RAPGEF4: variants seen among roughly 807,000 people sequenced by gnomAD.
RAPGEF4 encodes Rap guanine nucleotide exchange factor 4.
A neutral mutation model predicts 147.9 loss-of-function variants in RAPGEF4; 66 were observed. The observed-to-expected ratio is 0.45, with a 90% CI of 0.37 to 0.55. The LOEUF is 0.55. Among genes scored for constraint, RAPGEF4 ranks in the 20% least tolerant of loss-of-function variants. The probability of loss-of-function intolerance (pLI) is 0.00; values close to 1 mark genes in which losing one functional copy is unlikely to be tolerated. For synonymous variants in RAPGEF4, 419 were observed against 442.7 expected, an observed-to-expected ratio of 0.95 and a Z score of 0.67; for missense variants, 1,071 against 1,257.3, an observed-to-expected ratio of 0.85 and a Z score of 2.24.
intron 6 of RAPGEF4, among the ~76,000 whole-genome samples, chr2:172,941,746 G>A (rs1687180838): frequency 6.6e-6 from 1 of 152,102 alleles, no homozygotes; most frequent in Non-Finnish European, 1.5e-5. Context: ...TGCTGGCCCT[G>A]CCACTTCTTA....
At chr2:172,945,469 A>G (rs2105353398) in intron 6 of RAPGEF4, among the ~76,000 whole-genome samples, 1 of 152,210 alleles carries the variant, frequency 6.6e-6, no homozygotes, top group East Asian at 1.9e-4. Flanking sequence ...TATTTGTACT[A>G]AAATTATGTT....
chr2:173,027,131 A>G lies in RAPGEF4; in HGVS notation c.2430A>G (p.Thr810=), dbSNP rs1304359673. The change falls in exon 25 of 31, where the codon ACA becomes ACG. Residue 810 remains threonine, a synonymous_variant. Transcript: ENST00000397081. ...GAAGGCATAATTTTAAAAAGACCAC[A>G]GCAAACTTGGATTTGTTCCTGAGGA... ...TFGRHNFKKT[T]ANLDLFLRRF... 1 of 1,613,074 alleles carries G rather than the reference A, an allele frequency of 6.2e-7. No individual in the cohort carries two copies. Among genetic ancestry groups the G allele is most frequent in the East Asian group, 2.2e-5 (1 of 44,848 alleles).
intron 26 of RAPGEF4, among the ~76,000 whole-genome samples, chr2:173,033,392 A>C (rs1697380507): frequency 6.6e-6 from 1 of 152,230 alleles, no homozygotes; most frequent in South Asian, 2.1e-4. Flanking sequence ...ATATTTAGGG[A>C]GTACTATGTA....
intron 4 of RAPGEF4, among the ~76,000 whole-genome samples, chr2:172,869,419 G>T (rs974687513): frequency 1.4e-4 from 21 of 152,184 alleles, no homozygotes; most frequent in Non-Finnish European, 2.6e-4. Flanking sequence ...TCCTTTCCCT[G>T]TGGGTAATTT....
intron 1 of RAPGEF4, among the ~76,000 whole-genome samples, chr2:172,759,224 G>A (rs1696066807): frequency 6.6e-6 from 1 of 152,152 alleles, no homozygotes; most frequent in Admixed American, 6.5e-5. Flanking sequence ...AGACTCTGTG[G>A]CAGGTCTTCA....
intron 29 of RAPGEF4, among the ~76,000 whole-genome samples, chr2:173,045,545 C>T (rs1685360618): frequency 6.6e-6 from 1 of 152,190 alleles, no homozygotes; most frequent in South Asian, 2.1e-4. Context: ...TATTTGAAGA[C>T]TTGTCCTGTT....
At chr2:172,966,250 A>T (rs1466829992) in intron 9 of RAPGEF4, among the ~76,000 whole-genome samples, 1 of 152,164 alleles carries the variant, frequency 6.6e-6, no homozygotes, top group East Asian at 1.9e-4. Context: ...CTCTGGCCAA[A>T]CTCTTATGCC....
rs544452385 is a variant in RAPGEF4, at chr2:172,947,060, G to C, written c.538-13700G>C. ...GAAAATTTCTGAGACTTGACATTCAGCTTGTACCTCCAGAAGCCTCTGGTT... is the reference window on the plus strand; with the variant it reads ...GAAAATTTCTGAGACTTGACATTCACCTTGTACCTCCAGAAGCCTCTGGTT... On this transcript the variant is annotated intron_variant, in intron 6 of 30. Coordinates refer to ENST00000397081, the MANE Select transcript of RAPGEF4 (RefSeq NM_007023.4). Among the ~76,000 whole-genome samples the C allele has an allele frequency of 6.6e-5, 10 of 152,278 alleles. No homozygotes were observed. In the East Asian group the frequency reaches 1.9e-3, roughly 29 times the overall value.
intron 23 of RAPGEF4, among the ~76,000 whole-genome samples, chr2:173,025,050 A>C (rs1696529033): frequency 6.6e-6 from 1 of 152,222 alleles, no homozygotes. Flanking sequence ...CCACACATTC[A>C]TTCCAAATAC....
At chr2:173,036,285 A>T in intron 28 of RAPGEF4, 73 bp downstream of exon 28, 1 of 1,173,594 alleles carries the variant, frequency 8.5e-7, no homozygotes, top group East Asian at 2.3e-5. Flanking sequence ...TACCTTGATA[A>T]GATTGATTAC....
intron 18 of RAPGEF4, among the ~76,000 whole-genome samples, chr2:173,014,882 C>G (rs1351212450): frequency 6.6e-6 from 1 of 152,044 alleles, no homozygotes; most frequent in Non-Finnish European, 1.5e-5. Flanking sequence ...CACGTAGCAC[C>G]CATCATTCTG....
chr2:173,045,149 T>G, intron 29 of RAPGEF4, among the ~76,000 whole-genome samples: 1 of 152,236 alleles, frequency 6.6e-6, no homozygotes, highest in Admixed American at 6.5e-5. Flanking sequence ...TGTGGAAAGA[T>G]AGACTCTAAC....
chr2:172,890,909 C>A (rs1697828547), intron 4 of RAPGEF4, among the ~76,000 whole-genome samples: 1 of 152,162 alleles, frequency 6.6e-6, no homozygotes, highest in Non-Finnish European at 1.5e-5. Context: ...GTGGGCAGAT[C>A]ACTTGAGGCC....
chr2:172,933,379 G>A (rs888078021), intron 6 of RAPGEF4, among the ~76,000 whole-genome samples: 8 of 152,148 alleles, frequency 5.3e-5, no homozygotes, highest in Non-Finnish European at 7.4e-5. Context: ...GCTTGAACAC[G>A]TGGAAGGATG....
intron 12 of RAPGEF4, among the ~76,000 whole-genome samples, chr2:172,986,838 C>A (rs568820498): frequency 2.0e-5 from 3 of 152,000 alleles, no homozygotes; most frequent in African/African-American, 4.8e-5. Context: ...GGATTACAGG[C>A]GTGTGCCACC....
Position 172,988,713 on chromosome 2 carries a change from T to A in RAPGEF4, c.1248T>A (p.His416Gln). The A allele has an allele frequency of 6.2e-7, 1 of 1,612,878 alleles. No homozygotes were observed. Among genetic ancestry groups the A allele is most frequent in the Non-Finnish European group, 8.5e-7 (1 of 1,178,818 alleles). ...TCCAGGGTGTGGTCTGCACCCTGCATGAAGGAGATGACTTCGGCAAGTTAG... is the reference window on the plus strand; with the variant it reads ...TCCAGGGTGTGGTCTGCACCCTGCAAGAAGGAGATGACTTCGGCAAGTTAG... ...IYGKGVVCTL[H>Q]EGDDFGKLAL... Residue 416 changes from histidine (H) to glutamine (Q), a missense_variant, in exon 14 of 31, where the codon CAT becomes CAA. Transcript: ENST00000397081.
At chr2:172,982,669 A>G (rs1026310402) in intron 10 of RAPGEF4, among the ~76,000 whole-genome samples, 2 of 152,302 alleles carry the variant, frequency 1.3e-5, no homozygotes, top group East Asian at 1.9e-4. Context: ...TACCCTACAC[A>G]TGTCCTACAT....
intron 17 of RAPGEF4, among the ~76,000 whole-genome samples, chr2:173,003,266 AG>A (rs1172403969): frequency 6.6e-6 from 1 of 152,030 alleles, no homozygotes; most frequent in Non-Finnish European, 1.5e-5. Flanking sequence ...ATGCCCAGGT[AG>A]GGAGGAGGGG....
At chr2:173,018,600 AG>A in intron 21 of RAPGEF4, 55 bp from the exon 22 acceptor site, 2 of 1,532,782 alleles carry the variant, frequency 1.3e-6, no homozygotes, top group Non-Finnish European at 1.8e-6. Flanking sequence ...TCATAACTAT[AG>A]TTTTATTGAA....
Sources: gnomAD v4.1 joint callset for allele counts (sites outside exome capture counted in the v4.1 genomes callset) on GRCh38, gnomAD v4.1.1 for gene constraint, MANE v1.5 for transcripts, NCBI Gene and HGNC (gene_info 2026-07-23, HGNC 2026-07-21) for gene names.